UNC5A: variants seen among roughly 807,000 people sequenced by gnomAD.
UNC5A encodes unc-5 netrin receptor A.
UNC5A carries 20 observed loss-of-function variants against 87.4 expected under a neutral mutation model. The ratio of observed to expected loss-of-function variants is 0.23; its 90% CI spans 0.16 to 0.33. The LOEUF (loss-of-function observed/expected upper bound fraction) is 0.33. Among genes scored for constraint, UNC5A ranks in the 10% least tolerant of loss-of-function variants. The pLI, the probability that UNC5A is intolerant of heterozygous loss-of-function variation, is 1.00. For missense variants in UNC5A, 844 were observed against 1,133.4 expected, an observed-to-expected ratio of 0.74 and a Z score of 3.67; for synonymous variants, 438 against 482.3, an observed-to-expected ratio of 0.91 and a Z score of 1.20.
intron 14 of UNC5A, 68 bp from the exon 15 acceptor site, chr5:176,879,653 G>C: frequency 6.3e-7 from 1 of 1,586,152 alleles, no homozygotes; most frequent in Non-Finnish European, 8.6e-7. Flanking sequence ...CCTGGGGTGG[G>C]CCAGGGGGGG....
chr5:176,874,553 G>A lies in UNC5A; in HGVS notation c.1365G>A (p.Met455Ile). 1.3e-6 allele frequency: 2 copies of A among 1,568,634 alleles called. No individual in the cohort carries two copies. The highest frequency in any genetic ancestry group is 1.7e-6 in the Non-Finnish European group (2 of 1,153,908). The part of the protein sequence containing the change: ...GTFNFLGGRL[M>I]IPNTGISLLI... ...TCAACTTCCTCGGGGGCCGGCTGAT[G>A]ATCCCTAATACAGGTAGGAAGGACC... The change falls in exon 8 of 15, where the codon ATG becomes ATA. Residue 455 changes from methionine to isoleucine, a missense_variant. Physicochemically the swap from Met to Ile is conservative, Grantham distance 10 (BLOSUM62 1). Around this residue, in one of 3 missense-constraint regions of UNC5A, gnomAD observed 353 missense variants for 387.5 expected, o/e 0.91. Coordinates refer to ENST00000329542, the MANE Select transcript of UNC5A (RefSeq NM_133369.3). The surrounding 1 kb of genome is among the most constrained non-coding windows in gnomAD (Gnocchi z 7.6).
intron 2 of UNC5A, among the ~76,000 whole-genome samples, chr5:176,867,312 G>A (rs1052021972): frequency 6.6e-6 from 1 of 152,178 alleles, no homozygotes; most frequent in South Asian, 2.1e-4. Context: ...GCCTGCCTCA[G>A]GCCAGATATG....
chr5:176,813,632 C>T (rs1016559073), intron 1 of UNC5A, among the ~76,000 whole-genome samples: 2 of 152,194 alleles, frequency 1.3e-5, no homozygotes, highest in Non-Finnish European at 2.9e-5. Context: ...CAGGGATAGG[C>T]ATTGATCCAG....
At chr5:176,870,315 G>A (rs534249843) in intron 5 of UNC5A, 55 bp from the exon 6 acceptor site, 57 of 1,580,588 alleles carry the variant, frequency 3.6e-5, no homozygotes, top group African/African-American at 3.0e-4. Flanking sequence ...GCAGACTGCC[G>A]GGGTGGGCTC....
chr5:176,822,761 TG>T (rs1477349858), intron 1 of UNC5A, among the ~76,000 whole-genome samples: 1 of 152,170 alleles, frequency 6.6e-6, no homozygotes, highest in African/African-American at 2.4e-5. Flanking sequence ...GGACTCAGGC[TG>T]GGACCTTGGC....
In UNC5A at chr5:176,868,515, C is replaced by T. The variant is rs781601936; in HGVS notation, c.437-46C>T. On this transcript the variant is annotated intron_variant, in intron 3 of 14. Transcript: ENST00000329542. ...AGGGACACAGCCAGCCAGGCTGAGC[C>T]TGTGCGAGGCCCTCAGACAGGAGGA... 4.5e-6 allele frequency: 7 copies of T among 1,551,770 alleles called. No homozygotes were observed. The African/African-American group carries it at 8.2e-5, about 18-fold the overall frequency.
chr5:176,811,111 C>G (rs565088016), intron 1 of UNC5A, among the ~76,000 whole-genome samples: 94 of 152,316 alleles, frequency 6.2e-4, no homozygotes, highest in African/African-American at 2.2e-3. Flanking sequence ...TGCCTGGGCC[C>G]GGAGCAGGGC....
intron 1 of UNC5A, among the ~76,000 whole-genome samples, chr5:176,839,804 T>C (rs1757230272): frequency 6.7e-6 from 1 of 148,156 alleles, no homozygotes; most frequent in African/African-American, 2.5e-5. Flanking sequence ...TCACGGCCAC[T>C]TCCTTTTTTT....
intron 1 of UNC5A, among the ~76,000 whole-genome samples, chr5:176,833,328 T>TG (rs35834968): frequency 0.098 from 14,934 of 152,090 alleles, 1,521 homozygotes; most frequent in African/African-American, 0.26. Flanking sequence ...AAGTAAGCCC[T>TG]GTGTCTGTTG....
Position 176,868,244 on chromosome 5 carries a change from A to G in UNC5A, c.407A>G (p.Lys136Arg). 6.2e-7 allele frequency: 1 copy of G among 1,613,630 alleles called. No homozygotes were observed. Among genetic ancestry groups the G allele is most frequent in the Non-Finnish European group, 8.5e-7 (1 of 1,179,962 alleles). The change falls in exon 3 of 15, where the codon AAG (lysine) becomes AGG (arginine). Residue 136 changes from lysine to arginine, a missense_variant. By Grantham distance (26) the Lys-to-Arg change is conservative (BLOSUM62 2). Around this residue, in one of 3 missense-constraint regions of UNC5A, gnomAD observed 314 missense variants for 466.5 expected, o/e 0.67. Coordinates refer to ENST00000329542, the MANE Select transcript of UNC5A (RefSeq NM_133369.3). Reference sequence around the variant, plus strand: ...GCATGGAGCTCCTCGGGCACCACCAAGAGTCAGAAGGCCTACATCCGCATA... The same window carrying G: ...GCATGGAGCTCCTCGGGCACCACCAGGAGTCAGAAGGCCTACATCCGCATA... ...CVAWSSSGTT[K>R]SQKAYIRIAY...
In UNC5A at chr5:176,874,080, G is replaced by C. The variant is rs768073036; in HGVS notation, c.999G>C (p.Gly333=). The part of the protein sequence containing the change: ...LILVYCRKKE[G]LDSDVADSSI... ...TCGTTTATTGCCGGAAGAAGGAGGG[G>C]CTGGACTCAGATGTGGCTGACTCGT... Residue 333 remains glycine, a synonymous_variant, in exon 7 of 15, where the codon GGG becomes GGC. Coordinates refer to ENST00000329542, the MANE Select transcript of UNC5A (RefSeq NM_133369.3). The surrounding 1 kb of genome is among the most constrained non-coding windows in gnomAD (Gnocchi z 7.6). 3.1e-6 allele frequency: 5 copies of C among 1,613,940 alleles called. No homozygotes were observed. In the South Asian group the frequency reaches 5.5e-5, roughly 18 times the overall value.
chr5:176,862,652 C>A lies in UNC5A; in HGVS notation c.99C>A (p.Asn33Lys). ...SGAQQSATVA[N>K]PVPGANPDLL... ...CCCAGCAGAGTGCCACCGTGGCCAACCCAGTGCCTGGTGCCAACCCGGACC... is the reference window on the plus strand; with the variant it reads ...CCCAGCAGAGTGCCACCGTGGCCAAACCAGTGCCTGGTGCCAACCCGGACC... The change falls in exon 2 of 15, where the codon AAC (asparagine) becomes AAA (lysine). Residue 33 changes from asparagine (N) to lysine (K), a missense_variant. Coordinates refer to ENST00000329542, the MANE Select transcript of UNC5A (RefSeq NM_133369.3). 1 of 1,613,558 alleles carries A rather than the reference C, an allele frequency of 6.2e-7. No homozygotes were observed. The highest frequency in any genetic ancestry group is 8.5e-7 in the Non-Finnish European group (1 of 1,179,970).
Position 176,810,621 on chromosome 5 carries a change from C to T in UNC5A, c.-130C>T, listed in dbSNP as rs1037722344. 3.6e-5 allele frequency: 7 copies of T among 193,286 alleles called. No homozygotes were observed. The highest frequency in any genetic ancestry group is 6.5e-5 in the Non-Finnish European group (7 of 108,186). The allele number at this position is 193,286 out of a possible 1,614,324, so 12.0% of individuals were successfully genotyped here. ...CGCGTGCGCCCGGCAGCCGGCCGCC[C>T]GGAGGCAGCGCAGTCCGCTGGCATG... is the stretch of plus-strand genomic sequence containing the variant. On this transcript the variant is annotated 5_prime_UTR_variant, in exon 1 of 15. Coordinates refer to ENST00000329542, the MANE Select transcript of UNC5A (RefSeq NM_133369.3). The surrounding 1 kb of genome is among the most constrained non-coding windows in gnomAD (Gnocchi z 7.3).
intron 3 of UNC5A, 123 bp from the exon 4 acceptor site, chr5:176,868,438 C>A: frequency 7.0e-7 from 1 of 1,426,748 alleles, no homozygotes; most frequent in Non-Finnish European, 9.6e-7. Context: ...ACCCCATGGC[C>A]CCCTGGCCAC....
At chr5:176,850,942 C>T (rs904451942) in intron 1 of UNC5A, among the ~76,000 whole-genome samples, 4 of 151,920 alleles carry the variant, frequency 2.6e-5, no homozygotes, top group African/African-American at 9.7e-5. Flanking sequence ...CCAGTGCTCC[C>T]AGGACTTTCC....
At chr5:176,831,883 C>CTTTTTTTTTTTTTTTTTT in intron 1 of UNC5A, among the ~76,000 whole-genome samples, 1 of 115,314 alleles carries the variant, frequency 8.7e-6, no homozygotes, top group Non-Finnish European at 1.7e-5. Context: ...CTTTCTCTCT[C>CTTTTTTTTTTTTTTTTTT]TCTTTTTTTT....
Position 176,875,254 on chromosome 5 carries a change from G to A in UNC5A, c.1378+688G>A, listed in dbSNP as rs763573563. Among the ~76,000 whole-genome samples the A allele has an allele frequency of 2.0e-5, 3 of 152,132 alleles. No homozygotes were observed. Among genetic ancestry groups the A allele is most frequent in the Non-Finnish European group, 4.4e-5 (3 of 68,030 alleles). On this transcript the variant is annotated intron_variant, in intron 8 of 14. Coordinates refer to ENST00000329542, the MANE Select transcript of UNC5A (RefSeq NM_133369.3). The surrounding 1 kb of genome is among the most constrained non-coding windows in gnomAD (Gnocchi z 5.2). ...CCCACTCCCCCATCCTTAGCCTGCAGTTCTCCCGGGCGACAGAACTGTACA... is the reference window on the plus strand; with the variant it reads ...CCCACTCCCCCATCCTTAGCCTGCAATTCTCCCGGGCGACAGAACTGTACA...
Position 176,879,301 on chromosome 5 carries a change from C to A in UNC5A, c.2185-9C>A, listed in dbSNP as rs751726736. 10 of 1,578,024 alleles carry A rather than the reference C, an allele frequency of 6.3e-6. No individual in the cohort carries two copies. Among genetic ancestry groups the A allele is most frequent in the Middle Eastern group, 1.7e-4 (1 of 5,890 alleles). On this transcript the variant is annotated splice_polypyrimidine_tract_variant and intron_variant, in intron 13 of 14. Coordinates refer to ENST00000329542, the MANE Select transcript of UNC5A (RefSeq NM_133369.3). ...TTCTAACAGGCACCTCTTTCCCTCC[C>A]ACCTCCAGGACACAAGGTTTGCTGA...
Position 176,811,360 on chromosome 5 carries a change from C to T in UNC5A, c.70+540C>T, listed in dbSNP as rs1756449587. Among the ~76,000 whole-genome samples the T allele has an allele frequency of 2.0e-5, 3 of 152,258 alleles. No homozygotes were observed. The South Asian group carries it at 6.2e-4, about 31-fold the overall frequency. On this transcript the variant is annotated intron_variant, in intron 1 of 14. Coordinates refer to ENST00000329542, the MANE Select transcript of UNC5A (RefSeq NM_133369.3). ...CCACACACGCTCTCACACGCACACA[C>T]TCAGGCGTGGAGGCGCATACACCAG... is the stretch of plus-strand genomic sequence containing the variant.
Sources: gnomAD v4.1 joint callset for allele counts (sites outside exome capture counted in the v4.1 genomes callset) on GRCh38, gnomAD v4.1.1 for gene constraint, gnomAD v4.1.1 regional missense constraint, Gnocchi (gnomAD v3.1) non-coding constraint, MANE v1.5 for transcripts, NCBI Gene and HGNC (gene_info 2026-07-23, HGNC 2026-07-21) for gene names.